TENT4B: variants seen among roughly 807,000 people sequenced by gnomAD.
The protein encoded by TENT4B is terminal nucleotidyltransferase 4B.
TENT4B carries 10 observed loss-of-function variants against 75.0 expected under a neutral mutation model. The observed-to-expected ratio is 0.13, with a 90% CI of 0.08 to 0.23. The LOEUF (loss-of-function observed/expected upper bound fraction) is 0.23. Ranked by LOEUF, TENT4B falls within the 10% of genes least tolerant of loss-of-function variation. The pLI, the probability that TENT4B is intolerant of heterozygous loss-of-function variation, is 1.00. For missense variants in TENT4B, 579 were observed against 893.8 expected, an observed-to-expected ratio of 0.65 and a Z score of 4.49; for synonymous variants, 350 against 357.7, an observed-to-expected ratio of 0.98 and a Z score of 0.24.
At chr16:50,157,976 T>C (rs981692409) in intron 1 of TENT4B, among the ~76,000 whole-genome samples, 1 of 151,334 alleles carries the variant, frequency 6.6e-6, no homozygotes, top group African/African-American at 2.4e-5. Flanking sequence ...ATGTTGCCCA[T>C]GAAGGTCTCC....
intron 1 of TENT4B, among the ~76,000 whole-genome samples, chr16:50,198,238 A>G (rs533054151): frequency 6.6e-6 from 1 of 151,896 alleles, no homozygotes; most frequent in South Asian, 2.1e-4. Flanking sequence ...GCAACATGGC[A>G]AAACCCCGTC....
At chr16:50,186,436 G>A (rs1017197556) in intron 1 of TENT4B, among the ~76,000 whole-genome samples, 1 of 152,068 alleles carries the variant, frequency 6.6e-6, no homozygotes, top group African/African-American at 2.4e-5. Context: ...TTTAGAGATA[G>A]TTAATATTAC....
At chr16:50,225,879 T>C (rs193100168) in intron 10 of TENT4B, among the ~76,000 whole-genome samples, 2 of 152,160 alleles carry the variant, frequency 1.3e-5, no homozygotes, top group East Asian at 3.9e-4. Context: ...AGACGGGGTT[T>C]CACCATGTTG....
intron 1 of TENT4B, among the ~76,000 whole-genome samples, chr16:50,194,783 C>T (rs540876661): frequency 5.8e-5 from 7 of 121,402 alleles, no homozygotes; most frequent in Non-Finnish European, 9.6e-5. Context: ...GAGTCTCGCT[C>T]TGTCACCCAG....
rs758244448 is a variant in TENT4B, at chr16:50,229,341, G to A, written c.*13G>A. 14 of 1,600,562 alleles carry A rather than the reference G, an allele frequency of 8.7e-6. No homozygotes were observed. The highest frequency in any genetic ancestry group is 4.5e-5 in the East Asian group (2 of 44,742). On this transcript the variant is annotated 3_prime_UTR_variant, in exon 12 of 12. Transcript: ENST00000561678. ...CCTCTGTAGATAGTCAGCGCTGCGC[G>A]GTGGACTGTCTTCTCTGTGCAATGA...
At chr16:50,171,210 G>A (rs938441348) in intron 1 of TENT4B, among the ~76,000 whole-genome samples, 1 of 152,084 alleles carries the variant, frequency 6.6e-6, no homozygotes, top group Non-Finnish European at 1.5e-5. Context: ...AGACCAGCCT[G>A]GAAACCATAG....
rs371918218 is a variant in TENT4B at position 50,194,330 on chromosome 16, C to T, written c.639-16993C>T. Among the ~76,000 whole-genome samples, 153 of 151,422 alleles carry T rather than the reference C, an allele frequency of 1.0e-3. 1 individual carries two copies. Among genetic ancestry groups the T allele is most frequent in the African/African-American group, 3.6e-3 (149 of 41,278 alleles). On this transcript the variant is annotated intron_variant, in intron 1 of 11. Transcript: ENST00000561678. ...TCTCGGGTTCAAGCGATTCTCCCAT[C>T]TCAGCCTCCTGAGTTGCTGAGATTA...
At chr16:50,172,485 A>G (rs2038224196) in intron 1 of TENT4B, among the ~76,000 whole-genome samples, 1 of 147,676 alleles carries the variant, frequency 6.8e-6, no homozygotes, top group Non-Finnish European at 1.5e-5. Context: ...AGGGTTGACT[A>G]TATATTTTAA....
At chr16:50,199,221 T>A (rs755178785) in intron 1 of TENT4B, among the ~76,000 whole-genome samples, 11 of 152,254 alleles carry the variant, frequency 7.2e-5, no homozygotes, top group Non-Finnish European at 1.3e-4. Flanking sequence ...TGGGGCCATG[T>A]GCCCATCCCT....
Position 50,225,007 on chromosome 16 carries a change from C to T in TENT4B, c.1612+13C>T. 2.5e-6 allele frequency: 4 copies of T among 1,611,784 alleles called. No individual in the cohort carries two copies. The highest frequency in any genetic ancestry group is 3.4e-6 in the Non-Finnish European group (4 of 1,178,214). ...CCTTCATGCAATGGTAAGATATTTT[C>T]CTTGGTCGATTGACTGAGTATTAGA... On this transcript the variant is annotated intron_variant, in intron 9 of 11. Coordinates refer to ENST00000561678, the MANE Select transcript of TENT4B (RefSeq NM_001365324.3).
chr16:50,153,866 G>T lies in TENT4B; in HGVS notation c.245G>T (p.Gly82Val). Residue 82 changes from glycine to valine, a missense_variant, in exon 1 of 12, where the codon GGC becomes GTC. Around this residue, in one of 7 missense-constraint regions of TENT4B, gnomAD observed 253 missense variants for 270.1 expected, o/e 0.94. Coordinates refer to ENST00000561678, the MANE Select transcript of TENT4B (RefSeq NM_001365324.3). The stretch of plus-strand genomic sequence containing the variant: ...TCGGCCCCGGCCCCGGCCCCGGCCG[G>T]CATGTATCGCTCCGGGGAGCGCCTG... ...AASAPAPAPA[G>V]MYRSGERLLG... 1.3e-6 allele frequency: 2 copies of T among 1,485,136 alleles called. No homozygotes were observed. Among genetic ancestry groups the T allele is most frequent in the Non-Finnish European group, 8.9e-7 (1 of 1,124,634 alleles). The allele number at this position is 1,485,136 out of a possible 1,614,324, so 92.0% of individuals were successfully genotyped here. A position where few individuals can be genotyped will look rare whatever the true frequency, so the allele number is the denominator to read the frequency against.
rs1279536196 is a variant in TENT4B at position 50,154,163 on chromosome 16, G to A, written c.542G>A (p.Gly181Glu). The A allele has an allele frequency of 1.3e-6, 2 of 1,516,372 alleles. No individual in the cohort carries two copies. Among genetic ancestry groups the A allele is most frequent in the Middle Eastern group, 3.4e-4 (2 of 5,934 alleles). The allele number at this position is 1,516,372 out of a possible 1,614,324, so 93.9% of individuals were successfully genotyped here. A position where few individuals can be genotyped will look rare whatever the true frequency, so the allele number is the denominator to read the frequency against. ...AACTACAGCCTGCTGCAGCCCAGCG[G>A]AGGGCGGGCCGCGGGGGGCGGCCGA... ...GLNYSLLQPS[G>E]GRAAGGGRAD... The change falls in exon 1 of 12, where the codon GGA (glycine) becomes GAA (glutamate). Residue 181 changes from glycine to glutamate, a missense_variant. Physicochemically the swap from Gly to Glu is moderately conservative, Grantham distance 98 (BLOSUM62 -2). Around this residue, in one of 7 missense-constraint regions of TENT4B, gnomAD observed 253 missense variants for 270.1 expected, o/e 0.94. Transcript: ENST00000561678.
At chr16:50,226,661 C>G (rs924675006) in intron 10 of TENT4B, among the ~76,000 whole-genome samples, 2 of 152,196 alleles carry the variant, frequency 1.3e-5, no homozygotes, top group African/African-American at 4.8e-5. Context: ...CATGATCCGA[C>G]TGCCTCGGCC....
intron 5 of TENT4B, 34 bp from the exon 6 acceptor site, chr16:50,222,272 A>G: frequency 6.5e-7 from 1 of 1,546,638 alleles, no homozygotes; most frequent in Non-Finnish European, 8.8e-7. Flanking sequence ...TTGCTGATAC[A>G]GGAATTCATT....
intron 1 of TENT4B, among the ~76,000 whole-genome samples, chr16:50,210,317 G>A (rs947179214): frequency 6.6e-6 from 1 of 152,230 alleles, no homozygotes; most frequent in Non-Finnish European, 1.5e-5. Flanking sequence ...AGCCCAGTGA[G>A]TTTGTCCTTT....
intron 1 of TENT4B, 137 bp from the exon 2 acceptor site, chr16:50,211,186 C>A: frequency 1.1e-6 from 1 of 923,700 alleles, no homozygotes; most frequent in Non-Finnish European, 1.5e-6. Flanking sequence ...CCCATTTTAG[C>A]TTATCTTGAG....
rs2032412065 is a variant in TENT4B, at chr16:50,235,234, T to C, written c.*5906T>C. On this transcript the variant is annotated 3_prime_UTR_variant, in exon 12 of 12. Transcript: ENST00000561678. Reference sequence around the variant, plus strand: ...AATTGCATTTCTATGCACATCGGCCTCTAGTGCTTACCACTCGGTTTATTA... The same window carrying C: ...AATTGCATTTCTATGCACATCGGCCCCTAGTGCTTACCACTCGGTTTATTA... The C allele has an allele frequency of 6.0e-6, 1 of 166,286 alleles. No individual in the cohort carries two copies. The highest frequency in any genetic ancestry group is 1.2e-5 in the Non-Finnish European group (1 of 80,954). 10.3% of individuals were successfully genotyped at this position (166,286 alleles called of 1,614,324 possible). A position where few individuals can be genotyped will look rare whatever the true frequency, so the allele number is the denominator to read the frequency against.
At chr16:50,158,235 C>T (rs1250900955) in intron 1 of TENT4B, among the ~76,000 whole-genome samples, 4 of 151,936 alleles carry the variant, frequency 2.6e-5, no homozygotes, top group Non-Finnish European at 4.4e-5. Flanking sequence ...TACAGGCGCC[C>T]GCCACCATGC....
intron 1 of TENT4B, among the ~76,000 whole-genome samples, chr16:50,156,622 G>T (rs2150662888): frequency 6.6e-6 from 1 of 152,180 alleles, no homozygotes. Context: ...GGGATTACAG[G>T]CATGAGCCAC....
Sources: gnomAD v4.1 joint callset for allele counts (sites outside exome capture counted in the v4.1 genomes callset) on GRCh38, gnomAD v4.1.1 for gene constraint, gnomAD v4.1.1 regional missense constraint, MANE v1.5 for transcripts, NCBI Gene and HGNC (gene_info 2026-07-23, HGNC 2026-07-21) for gene names.